Variants in ARHGAP18 observed in about 807,000 individuals in gnomAD.
ARHGAP18 encodes rho GTPase-activating protein 18.
In ARHGAP18, 67 loss-of-function variants were observed where a neutral mutation model predicts 86.2. That is an observed-to-expected ratio of 0.78 (90% confidence interval 0.64 to 0.95). The LOEUF is 0.95. ARHGAP18 is among the 40% of genes least tolerant of loss of function. The pLI, the probability that ARHGAP18 is intolerant of heterozygous loss-of-function variation, is 0.00. For missense variants in ARHGAP18, 691 were observed against 780.4 expected (o/e 0.89, Z 1.37); for synonymous variants, 283 against 280.4 (o/e 1.01, Z -0.09).
intron 13 of ARHGAP18, among the ~76,000 whole-genome samples, chr6:129,580,893 A>G (rs566699313): frequency 1.2e-4 from 19 of 152,222 alleles, no homozygotes; most frequent in African/African-American, 3.6e-4. Flanking sequence ...AAAAAAAAAG[A>G]ATAAGCCATT....
chr6:129,636,603 G>A (rs942167939), intron 3 of ARHGAP18, among the ~76,000 whole-genome samples: 4 of 152,188 alleles, frequency 2.6e-5, no homozygotes, highest in African/African-American at 9.7e-5. Flanking sequence ...CTGGCCAGGT[G>A]CGGTGGCTCA....
rs1286204803 is a variant in ARHGAP18, at chr6:129,697,944, C to T, written c.113+12080G>A. On this transcript the variant is annotated intron_variant, in intron 1 of 14. Coordinates refer to ENST00000368149, the MANE Select transcript of ARHGAP18 (RefSeq NM_033515.3). ...TAGTAAAAACATTAATTATAGAATA[C>T]GTTGATCGAGTTACATGTTTCTAGC... 4.6e-5 allele frequency among the ~76,000 whole-genome samples: 7 copies of T among 152,106 alleles called. No homozygotes were observed. In the South Asian group the frequency reaches 6.2e-4, roughly 13 times the overall value.
intron 1 of ARHGAP18, among the ~76,000 whole-genome samples, chr6:129,665,477 G>T (rs1034987443): frequency 2.0e-5 from 3 of 152,300 alleles, no homozygotes; most frequent in East Asian, 1.9e-4. Context: ...TTGAGCCCAG[G>T]AGGCAGTGGT....
At chr6:129,681,311 C>T (rs1774321126) in intron 1 of ARHGAP18, among the ~76,000 whole-genome samples, 1 of 152,158 alleles carries the variant, frequency 6.6e-6, no homozygotes, top group East Asian at 1.9e-4. Flanking sequence ...CTCCTAACCT[C>T]GTGATCCGCC....
chr6:129,633,137 G>T (rs117534620), intron 4 of ARHGAP18, among the ~76,000 whole-genome samples: 3,054 of 152,086 alleles, frequency 0.02, 52 homozygotes, highest in Non-Finnish European at 0.03. Context: ...AGCCTTAATA[G>T]TAACTTTTGG....
intron 1 of ARHGAP18, among the ~76,000 whole-genome samples, chr6:129,652,215 G>A (rs773465710): frequency 1.2e-4 from 19 of 152,194 alleles, no homozygotes; most frequent in Non-Finnish European, 2.2e-4. Flanking sequence ...CCCCCTCGCA[G>A]TCCATTATTA....
At chr6:129,606,469 G>C (rs1788855984) in intron 9 of ARHGAP18, among the ~76,000 whole-genome samples, 1 of 152,142 alleles carries the variant, frequency 6.6e-6, no homozygotes, top group Non-Finnish European at 1.5e-5. Flanking sequence ...CGAAGCAGCA[G>C]CTCAACAGTC....
At chr6:129,700,399 C>T (rs1354440910) in intron 1 of ARHGAP18, among the ~76,000 whole-genome samples, 2 of 152,178 alleles carry the variant, frequency 1.3e-5, no homozygotes, top group Admixed American at 1.3e-4. Flanking sequence ...TCAAAACAGT[C>T]ACCTGGGCCT....
chr6:129,703,299 T>C (rs1054843792), intron 1 of ARHGAP18, among the ~76,000 whole-genome samples: 1 of 152,234 alleles, frequency 6.6e-6, no homozygotes, highest in Non-Finnish European at 1.5e-5. Context: ...ATTAAATGCA[T>C]CAATTGTTAC....
At chr6:129,685,250 T>C (rs1286110992) in intron 1 of ARHGAP18, among the ~76,000 whole-genome samples, 1 of 152,146 alleles carries the variant, frequency 6.6e-6, no homozygotes, top group Non-Finnish European at 1.5e-5. Flanking sequence ...CTCACATGTG[T>C]AATCCCAGTA....
At chr6:129,645,002 C>G (rs1236942075) in intron 1 of ARHGAP18, among the ~76,000 whole-genome samples, 1 of 151,900 alleles carries the variant, frequency 6.6e-6, no homozygotes, top group Non-Finnish European at 1.5e-5. Context: ...TTTTCTTTTT[C>G]TTTTGTCTGT....
At position 129,702,019 on chromosome 6, in the gene ARHGAP18, C is replaced by T. The variant is rs546674420; in HGVS notation, c.113+8005G>A. Among the ~76,000 whole-genome samples the T allele has an allele frequency of 5.3e-5, 8 of 152,280 alleles. No homozygotes were observed. The South Asian group carries it at 1.7e-3, about 32-fold the overall frequency. On this transcript the variant is annotated intron_variant, in intron 1 of 14. Coordinates refer to ENST00000368149, the MANE Select transcript of ARHGAP18 (RefSeq NM_033515.3). ...AGGGAAGAAGAGATGCCTCCTTTCC[C>T]TATGACCCAGATCCCTGTAACAAAC...
intron 1 of ARHGAP18, among the ~76,000 whole-genome samples, chr6:129,707,656 T>TG (rs1562731838): frequency 6.7e-6 from 1 of 150,148 alleles, no homozygotes; most frequent in African/African-American, 2.4e-5. Context: ...TCTTGTTTTT[T>TG]TTTTTTTTTT....
At chr6:129,591,616 T>A (rs368738601) in intron 12 of ARHGAP18, among the ~76,000 whole-genome samples, 11 of 152,356 alleles carry the variant, frequency 7.2e-5, no homozygotes, top group East Asian at 3.9e-4. Context: ...CATTTTTTCA[T>A]AAGGTATCTA....
At chr6:129,698,711 T>TTTTTA (rs1774662659) in intron 1 of ARHGAP18, among the ~76,000 whole-genome samples, 1 of 90,158 alleles carries the variant, frequency 1.1e-5, no homozygotes, top group African/African-American at 4.1e-5. Context: ...TTTTTTTTTT[T>TTTTTA]GAGACGGAGT....
chr6:129,705,660 G>A (rs1436603817), intron 1 of ARHGAP18, among the ~76,000 whole-genome samples: 1 of 152,134 alleles, frequency 6.6e-6, no homozygotes, highest in Non-Finnish European at 1.5e-5. Context: ...TCTGAAACAA[G>A]GGAGAATATT....
At chr6:129,687,788 C>CT (rs1774454756) in intron 1 of ARHGAP18, among the ~76,000 whole-genome samples, 1 of 75,910 alleles carries the variant, frequency 1.3e-5, no homozygotes, top group African/African-American at 4.1e-5. Context: ...AGTAACCAAA[C>CT]ATTTTTTTTT....
intron 2 of ARHGAP18, among the ~76,000 whole-genome samples, chr6:129,639,407 A>C (rs1225370171): frequency 6.6e-6 from 1 of 152,216 alleles, no homozygotes; most frequent in Non-Finnish European, 1.5e-5. Context: ...GGGACACAAA[A>C]GACCTGGATC....
chr6:129,584,967 TAAATAAG>T (rs1382296787), intron 12 of ARHGAP18, among the ~76,000 whole-genome samples: 3 of 151,438 alleles, frequency 2.0e-5, no homozygotes, highest in African/African-American at 7.3e-5. Context: ...TACCCAGTAA[TAAATAAG>T]AAATAAGTCC....
Sources: gnomAD v4.1 joint callset for allele counts (sites outside exome capture counted in the v4.1 genomes callset) on GRCh38, gnomAD v4.1.1 for gene constraint, MANE v1.5 for transcripts, NCBI Gene and HGNC (gene_info 2026-07-23, HGNC 2026-07-21) for gene names.